Variants in DCC observed in about 807,000 individuals in gnomAD.
The protein encoded by DCC is netrin receptor DCC.
A neutral mutation model predicts 172.5 loss-of-function variants in DCC; 58 were observed. That is an observed-to-expected ratio of 0.34 (90% confidence interval 0.27 to 0.42). The LOEUF (loss-of-function observed/expected upper bound fraction) is 0.42. Ranked by LOEUF, DCC falls within the 10% of genes least tolerant of loss-of-function variation. DCC has a pLI of 1.00. For synonymous variants in DCC, 709 were observed against 644.5 expected (o/e 1.10, Z -1.52); for missense variants, 1,740 against 1,791.0 (o/e 0.97, Z 0.51).
chr18:52,555,316 T>G (rs1363628525), intron 1 of DCC, among the ~76,000 whole-genome samples: 2 of 152,152 alleles, frequency 1.3e-5, no homozygotes, highest in Non-Finnish European at 2.9e-5. Flanking sequence ...TAAAAACTTT[T>G]CTAGGGTCAT....
At chr18:52,367,034 C>T (rs1984898227) in intron 1 of DCC, among the ~76,000 whole-genome samples, 1 of 152,206 alleles carries the variant, frequency 6.6e-6, no homozygotes, top group Non-Finnish European at 1.5e-5. Flanking sequence ...GGCTACAGGT[C>T]CCGAGCCCTG....
intron 8 of DCC, among the ~76,000 whole-genome samples, chr18:53,160,892 T>G (rs1233901503): frequency 2.0e-5 from 3 of 152,186 alleles, no homozygotes; most frequent in Non-Finnish European, 4.4e-5. Context: ...TTTCCTCAAA[T>G]TTCCATAAAA....
At chr18:53,354,353 G>A (rs1417395295) in intron 15 of DCC, among the ~76,000 whole-genome samples, 3 of 152,158 alleles carry the variant, frequency 2.0e-5, no homozygotes, top group Non-Finnish European at 2.9e-5. Context: ...CTTCCACAAT[G>A]GTTGAACTCA....
chr18:52,535,945 G>A (rs2032276474), intron 1 of DCC, among the ~76,000 whole-genome samples: 1 of 152,074 alleles, frequency 6.6e-6, no homozygotes, highest in Admixed American at 6.6e-5. Context: ...GCACAGAGGA[G>A]GAAATACAAC....
intron 14 of DCC, among the ~76,000 whole-genome samples, chr18:53,337,460 C>T (rs2057604574): frequency 6.6e-6 from 1 of 152,154 alleles, no homozygotes. Flanking sequence ...CTTTTCATCT[C>T]TTTTATTACT....
intron 5 of DCC, among the ~76,000 whole-genome samples, chr18:53,016,209 C>T (rs755635147): frequency 9.9e-5 from 15 of 152,152 alleles, no homozygotes; most frequent in Non-Finnish European, 2.1e-4. Flanking sequence ...GCTGCAAGTA[C>T]ATTCTTAATT....
chr18:52,728,173 G>GTCTCTCTCTCTC (rs5824956), intron 1 of DCC, among the ~76,000 whole-genome samples: 40 of 149,044 alleles, frequency 2.7e-4, no homozygotes, highest in Admixed American at 2.7e-4. Context: ...TGTGGGCCCC[G>GTCTCTCTCTCTC]TCTCTCTCTC....
chr18:53,337,901 G>T (rs540335137), intron 14 of DCC, among the ~76,000 whole-genome samples: 18 of 152,198 alleles, frequency 1.2e-4, no homozygotes, highest in African/African-American at 4.3e-4. Flanking sequence ...GCATAATTTG[G>T]CATATGTTAC....
At chr18:52,362,811 C>T (rs1984679921) in intron 1 of DCC, among the ~76,000 whole-genome samples, 2 of 152,048 alleles carry the variant, frequency 1.3e-5, no homozygotes, top group South Asian at 2.1e-4. Flanking sequence ...CCTCCATAAA[C>T]CAAAAGAGCA....
At chr18:53,264,032 T>C (rs16956436) in intron 12 of DCC, among the ~76,000 whole-genome samples, 8,539 of 152,166 alleles carry the variant, frequency 0.056, 830 homozygotes, top group African/African-American at 0.19. Flanking sequence ...ATTAGGAAAA[T>C]TCTTTGTTCT....
chr18:53,453,207 G>A lies in DCC; in HGVS notation c.3392+2545G>A, dbSNP rs559058320. 1.1e-3 allele frequency among the ~76,000 whole-genome samples: 160 copies of A among 152,220 alleles called. 2 individuals are homozygous for A. The highest frequency in any genetic ancestry group is 3.6e-3 in the African/African-American group (149 of 41,546). On this transcript the variant is annotated intron_variant, in intron 23 of 28. Transcript: ENST00000442544. The stretch of plus-strand genomic sequence containing the variant: ...TGGAATTACAGGTGTGAGCCACCGC[G>A]CCCGGCCCCTTATAGTTTAGTTTTT...
intron 1 of DCC, among the ~76,000 whole-genome samples, chr18:52,451,793 TCCCTGGTGTCTTGGTTTATGTATC>T (rs1955075014): frequency 6.6e-6 from 1 of 152,076 alleles, no homozygotes; most frequent in Non-Finnish European, 1.5e-5. Flanking sequence ...ATTTTGCAGG[TCCCTGGTGTCTTGGTTTATGTATC>T]TCTGTTTCTG....
chr18:52,519,427 T>C (rs1458530631), intron 1 of DCC, among the ~76,000 whole-genome samples: 3 of 152,144 alleles, frequency 2.0e-5, no homozygotes, highest in Non-Finnish European at 2.9e-5. Context: ...TGCTTATGTG[T>C]AGATTTTGCT....
At chr18:53,349,141 C>A (rs549400577) in intron 15 of DCC, among the ~76,000 whole-genome samples, 1 of 152,270 alleles carries the variant, frequency 6.6e-6, no homozygotes, top group Admixed American at 6.5e-5. Context: ...CTCTTGAATG[C>A]TTTGCTGCTG....
At chr18:52,737,787 A>G (rs78838736) in intron 1 of DCC, among the ~76,000 whole-genome samples, 2,937 of 152,252 alleles carry the variant, frequency 0.019, 94 homozygotes, top group African/African-American at 0.066. Context: ...GAATACGATG[A>G]AGAACTTCAC....
intron 18 of DCC, among the ~76,000 whole-genome samples, chr18:53,400,737 G>T (rs62100020): frequency 6.6e-6 from 1 of 151,526 alleles, no homozygotes; most frequent in Non-Finnish European, 1.5e-5. Flanking sequence ...ACCTGAATTA[G>T]ATTGGTTGTT....
chr18:52,958,295 CA>C (rs2040781474), intron 5 of DCC, among the ~76,000 whole-genome samples: 1 of 151,802 alleles, frequency 6.6e-6, no homozygotes, highest in East Asian at 1.9e-4. Flanking sequence ...GATAATCTAT[CA>C]AAAAATAGAT....
At chr18:53,344,313 T>A (rs1458991676) in intron 15 of DCC, among the ~76,000 whole-genome samples, 1 of 152,066 alleles carries the variant, frequency 6.6e-6, no homozygotes, top group Non-Finnish European at 1.5e-5. Flanking sequence ...TTCAAAGCAT[T>A]TCCTAATTTT....
chr18:53,156,110 G>A lies in DCC; in HGVS notation c.1262-1246G>A, dbSNP rs138544000. 1.4e-3 allele frequency among the ~76,000 whole-genome samples: 217 copies of A among 152,230 alleles called. 1 individual carries two copies. Among genetic ancestry groups the A allele is most frequent in the African/African-American group, 4.9e-3 (203 of 41,548 alleles). Reference sequence around the variant, plus strand: ...TCCAAATTAGCGCTTTATTAAACTCGGTGTCAGTGTTTGTACACCTACTTG... The same window carrying A: ...TCCAAATTAGCGCTTTATTAAACTCAGTGTCAGTGTTTGTACACCTACTTG... On this transcript the variant is annotated intron_variant, in intron 7 of 28. Transcript: ENST00000442544.
Sources: allele counts gnomAD v4.1 joint callset (sites outside exome capture counted in the v4.1 genomes callset), GRCh38; gene constraint gnomAD v4.1.1; transcripts MANE v1.5; gene names NCBI Gene and HGNC (gene_info 2026-07-23, HGNC 2026-07-21).